The following FLNC variants were observed in gnomAD, a reference collection of about 807,000 sequenced individuals.
FLNC encodes filamin-C.
A neutral mutation model predicts 254.3 loss-of-function variants in FLNC; 91 were observed. The observed-to-expected ratio is 0.36, with a 90% CI of 0.30 to 0.43. The LOEUF (loss-of-function observed/expected upper bound fraction) is 0.43. Ranked by LOEUF, FLNC falls within the 20% of genes least tolerant of loss-of-function variation. The probability of loss-of-function intolerance (pLI) is 1.00; values close to 1 mark genes in which losing one functional copy is unlikely to be tolerated. For missense variants in FLNC, 2,853 were observed against 3,802.6 expected (o/e 0.75, Z 6.57); for synonymous variants, 1,430 against 1,577.2 (o/e 0.91, Z 2.21).
chr7:128,837,525 A>G lies in FLNC; in HGVS notation c.827A>G (p.Lys276Arg). 6.2e-7 allele frequency: 1 copy of G among 1,614,170 alleles called. No homozygotes were observed. The highest frequency in any genetic ancestry group is 8.5e-7 in the Non-Finnish European group (1 of 1,180,024). Residue 276 changes from lysine (K) to arginine (R), a missense_variant, in exon 4 of 48, where the codon AAG becomes AGG. Lys to Arg is a conservative substitution (Grantham distance 26). Coordinates refer to ENST00000325888, the MANE Select transcript of FLNC (RefSeq NM_001458.5). ...GTTCGATCCAAGCAGCTGAACCCCA[A>G]GAAAGCCATCGCCTATGGGCCTGGT... Reference protein sequence around the residue: ...APVRSKQLNPKKAIAYGPGIE... With the variant: ...APVRSKQLNPRKAIAYGPGIE...
Position 128,835,123 on chromosome 7 carries a change from AGAAGCAGCCTTCTGACCGGAAGG to A in FLNC, c.353-201_353-179del, listed in dbSNP as rs970517485. ...ACCTTCCAGAACCACAGGAACACAGAGAAGCAGCCTTCTGACCGGAAGGGCCCCATAAAGAACTTGGCATCTGA... is the reference window on the plus strand; with the variant it reads ...ACCTTCCAGAACCACAGGAACACAGAGCCCCATAAAGAACTTGGCATCTGA... On this transcript the variant is annotated intron_variant, in intron 1 of 47. Coordinates refer to ENST00000325888, the MANE Select transcript of FLNC (RefSeq NM_001458.5). This position sits in a 1 kb window ranked among gnomAD's most constrained non-coding sequence, Gnocchi z 5.3. Among the ~76,000 whole-genome samples the A allele has an allele frequency of 1.3e-4, 20 of 152,334 alleles. No individual in the cohort carries two copies. The highest frequency in any genetic ancestry group is 4.6e-4 in the African/African-American group (19 of 41,564).
chr7:128,847,870 G>A lies in FLNC; in HGVS notation c.4456+6G>A. 1 of 1,613,864 alleles carries A rather than the reference G, an allele frequency of 6.2e-7. No individual in the cohort carries two copies. Among genetic ancestry groups the A allele is most frequent in the Non-Finnish European group, 8.5e-7 (1 of 1,179,982 alleles). On this transcript the variant is annotated splice_donor_region_variant and intron_variant, in intron 25 of 47. Coordinates refer to ENST00000325888, the MANE Select transcript of FLNC (RefSeq NM_001458.5). ...GGCTGTGCTGGGCCCCACAGGTATA[G>A]AATGGCCGGGGCAGGGAGGAGGGAG...
chr7:128,850,171 G>A, intron 31 of FLNC, 97 bp downstream of exon 31: 1 of 1,107,628 alleles, frequency 9.0e-7, no homozygotes, highest in Non-Finnish European at 1.3e-6. Context: ...CATGGTCTGG[G>A]GGCCTCTTGG....
rs369714355 is a variant in FLNC, at chr7:128,843,418, C to T, written c.2652C>T (p.Val884=). The T allele has an allele frequency of 1.7e-5, 27 of 1,613,952 alleles. 1 individual carries two copies. In the Middle Eastern group the frequency reaches 6.6e-4, roughly 39 times the overall value. The change falls in exon 18 of 48, where the codon GTC becomes GTT. Residue 884 remains valine (V), a synonymous_variant. Transcript: ENST00000325888. ...GPGLNRTGVE[V]GKPTHFTVLT... ...TGGGTGGGTCCTCAGGTGTGGAAGT[C>T]GGGAAGCCCACCCACTTCACGGTGC... is the stretch of plus-strand genomic sequence containing the variant.
rs371719048 is a variant in FLNC, at chr7:128,842,571, G to T, written c.2266-4G>T. 3.2e-6 allele frequency: 5 copies of T among 1,549,098 alleles called. No homozygotes were observed. Among genetic ancestry groups the T allele is most frequent in the African/African-American group, 2.7e-5 (2 of 73,132 alleles). On this transcript the variant is annotated splice_region_variant and splice_polypyrimidine_tract_variant and intron_variant, in intron 14 of 47. Transcript: ENST00000325888. This position sits in a 1 kb window ranked among gnomAD's most constrained non-coding sequence, Gnocchi z 5.4. ...ACCACGCTGAGCTGCGACCCCTCCC[G>T]CAGGTGAACGTGGGCGAGGGCAGCC...
Position 128,835,435 on chromosome 7 carries a change from G to C in FLNC, c.462G>C (p.Glu154Asp). Residue 154 changes from glutamate (E) to aspartate (D), a missense_variant, in exon 2 of 48, where the codon GAG becomes GAC. Transcript: ENST00000325888. This position sits in a 1 kb window ranked among gnomAD's most constrained non-coding sequence, Gnocchi z 5.3. ...CCATGTGGGAGGATGAAGATGATGAGGATGCCCGCAAACAGACGCCCAAGC... is the reference window on the plus strand; with the variant it reads ...CCATGTGGGAGGATGAAGATGATGACGATGCCCGCAAACAGACGCCCAAGC... ...SMPMWEDEDD[E>D]DARKQTPKQR... is the part of the protein sequence containing the mutation. The C allele has an allele frequency of 1.9e-6, 3 of 1,614,106 alleles. No homozygotes were observed. Among genetic ancestry groups the C allele is most frequent in the Non-Finnish European group, 2.5e-6 (3 of 1,180,042 alleles).
rs1223548212 is a variant in FLNC, at chr7:128,841,931, G to T, written c.2122-300G>T. On this transcript the variant is annotated intron_variant, in intron 13 of 47. Coordinates refer to ENST00000325888, the MANE Select transcript of FLNC (RefSeq NM_001458.5). This position sits in a 1 kb window ranked among gnomAD's most constrained non-coding sequence, Gnocchi z 4.3. ...TAAGAGGGTGATTCTTCTTTGAAAG[G>T]CTCATGATTCAGTTTTAGGAACATA... 6.6e-6 allele frequency among the ~76,000 whole-genome samples: 1 copy of T among 152,154 alleles called. No individual in the cohort carries two copies. Among genetic ancestry groups the T allele is most frequent in the Non-Finnish European group, 1.5e-5 (1 of 68,030 alleles).
intron 29 of FLNC, 40 bp from the exon 30 acceptor site, chr7:128,849,291 C>A (rs1808705650): frequency 6.2e-7 from 1 of 1,614,124 alleles, no homozygotes; most frequent in Non-Finnish European, 8.5e-7. Flanking sequence ...GGGCTGGCTC[C>A]AGCCCACCAG....
At chr7:128,839,509 C>T (rs992946573) in intron 8 of FLNC, among the ~76,000 whole-genome samples, 11 of 152,352 alleles carry the variant, frequency 7.2e-5, no homozygotes, top group Admixed American at 5.2e-4. Flanking sequence ...GATTCCCATT[C>T]CTTTGCCTGT....
intron 29 of FLNC, 30 bp downstream of exon 29, chr7:128,849,234 GT>G (rs769007790): frequency 5.6e-6 from 9 of 1,614,020 alleles, no homozygotes; most frequent in Non-Finnish European, 7.6e-6. Flanking sequence ...TCTTCTTGGT[GT>G]GGGCCAGGGT....
rs768725407 is a variant in FLNC, at chr7:128,846,746, G to A, written c.4129G>A (p.Gly1377Arg). ...KANRFTVETR[G>R]AGTGGLGLAI... ...TGATGGGGGGATGTTATCTCTCAGGGGAGCGGGCACCGGGGGCCTTGGCCT... is the reference window on the plus strand; with the variant it reads ...TGATGGGGGGATGTTATCTCTCAGGAGAGCGGGCACCGGGGGCCTTGGCCT... The change falls in exon 24 of 48, where the codon GGA (glycine) becomes AGA (arginine). Residue 1377 changes from glycine (G) to arginine (R), a missense_variant and splice_region_variant. Physicochemically the swap from Gly to Arg is moderately radical, Grantham distance 125. Around this residue, in one of 10 missense-constraint regions of FLNC, gnomAD observed 1,573 missense variants for 1,883.5 expected, o/e 0.84. Transcript: ENST00000325888. The A allele has an allele frequency of 3.7e-6, 6 of 1,613,792 alleles. No homozygotes were observed. Among genetic ancestry groups the A allele is most frequent in the Non-Finnish European group, 5.1e-6 (6 of 1,179,904 alleles).
Position 128,844,759 on chromosome 7 carries a change from C to A in FLNC, c.3294C>A (p.Thr1098=). The change falls in exon 21 of 48, where the codon ACC becomes ACA. Residue 1098 remains threonine (T), a synonymous_variant. Transcript: ENST00000325888. ...CTGGCACAGGTGGCCTGGGGCTGAC[C>A]GTAGAGGGCCCCTGCGAGGCCAAGA... ...KGAGTGGLGL[T]VEGPCEAKIE... The A allele has an allele frequency of 8.1e-6, 13 of 1,614,004 alleles. No individual in the cohort carries two copies. Among genetic ancestry groups the A allele is most frequent in the African/African-American group, 1.3e-5 (1 of 75,068 alleles).
intron 35 of FLNC, among the ~76,000 whole-genome samples, chr7:128,852,210 A>G (rs1321502279): frequency 6.6e-6 from 1 of 152,172 alleles, no homozygotes; most frequent in Non-Finnish European, 1.5e-5. Flanking sequence ...CTTTTGATAG[A>G]TAAGGAACCC....
Position 128,847,862 on chromosome 7 carries a change from C to G in FLNC, c.4454C>G (p.Thr1485Arg). Reference sequence around the variant, plus strand: ...CTGCAGGTGGCTGTGCTGGGCCCCACAGGTATAGAATGGCCGGGGCAGGGA... The same window carrying G: ...CTGCAGGTGGCTGTGCTGGGCCCCAGAGGTATAGAATGGCCGGGGCAGGGA... ...APLQVAVLGP[T>R]GVAEPVEVRD... Residue 1485 changes from threonine (T) to arginine (R), a missense_variant and splice_region_variant, in exon 25 of 48, where the codon ACA becomes AGA. Physicochemically the swap from Thr to Arg is moderately conservative, Grantham distance 71. Coordinates refer to ENST00000325888, the MANE Select transcript of FLNC (RefSeq NM_001458.5). The G allele has an allele frequency of 1.2e-6, 2 of 1,613,832 alleles. No individual in the cohort carries two copies. Among genetic ancestry groups the G allele is most frequent in the Non-Finnish European group, 1.7e-6 (2 of 1,179,984 alleles).
intron 24 of FLNC, 29 bp downstream of exon 24, chr7:128,846,934 G>A (rs754586001): frequency 1.9e-6 from 3 of 1,613,422 alleles, no homozygotes; most frequent in Non-Finnish European, 2.5e-6. Flanking sequence ...CGGGGTCTCA[G>A]GGAAGACAAG....
rs746831699 is a variant in FLNC at position 128,846,951 on chromosome 7, T to C, written c.4288+46T>C. 5.0e-6 allele frequency: 8 copies of C among 1,606,630 alleles called. No individual in the cohort carries two copies. In the African/African-American group the frequency reaches 1.1e-4, roughly 22 times the overall value. The stretch of plus-strand genomic sequence containing the variant: ...GGGTCTCAGGGAAGACAAGGGAGGG[T>C]GCAGGATGCTCGCCCCACAAGGGGG... On this transcript the variant is annotated intron_variant, in intron 24 of 47. Coordinates refer to ENST00000325888, the MANE Select transcript of FLNC (RefSeq NM_001458.5).
rs1396977280 is a variant in FLNC, at chr7:128,842,159, G to A, written c.2122-72G>A. 30 of 1,522,456 alleles carry A rather than the reference G, an allele frequency of 2.0e-5. No individual in the cohort carries two copies. The highest frequency in any genetic ancestry group is 2.4e-5 in the Non-Finnish European group (27 of 1,112,462). 94.3% of individuals were successfully genotyped at this position (1,522,456 alleles called of 1,614,324 possible). ...TTGGGGGTGGGAAAGGAGGCGCTGG[G>A]TTCACCTGCGGCCAGCAGAGGGCGC... On this transcript the variant is annotated intron_variant, in intron 13 of 47. Coordinates refer to ENST00000325888, the MANE Select transcript of FLNC (RefSeq NM_001458.5). The surrounding 1 kb of genome is among the most constrained non-coding windows in gnomAD (Gnocchi z 5.4).
At position 128,842,816 on chromosome 7, in the gene FLNC, G is replaced by A; in HGVS notation, c.2412G>A (p.Lys804=). 2 of 1,613,864 alleles carry A rather than the reference G, an allele frequency of 1.2e-6. No individual in the cohort carries two copies. The highest frequency in any genetic ancestry group is 2.2e-5 in the South Asian group (2 of 91,088). The change falls in exon 16 of 48, where the codon AAG becomes AAA. Residue 804 remains lysine (K), a synonymous_variant. Coordinates refer to ENST00000325888, the MANE Select transcript of FLNC (RefSeq NM_001458.5). This position sits in a 1 kb window ranked among gnomAD's most constrained non-coding sequence, Gnocchi z 5.4. The part of the protein sequence containing the change: ...AGQGDVSIGI[K]CAPGVVGPAE... ...CAGGCGACGTGAGCATCGGCATCAA[G>A]TGCGCCCCAGGCGTGGTGGGCCCTG...
At chr7:128,834,841 T>C (rs532996968) in intron 1 of FLNC, among the ~76,000 whole-genome samples, 53 of 143,598 alleles carry the variant, frequency 3.7e-4, no homozygotes, top group African/African-American at 1.2e-3. Context: ...GCAAGGAAAC[T>C]TTGGGGAGTG....
Sources: allele counts gnomAD v4.1 joint callset (sites outside exome capture counted in the v4.1 genomes callset), GRCh38; gene constraint gnomAD v4.1.1; regional missense constraint gnomAD v4.1.1; non-coding constraint Gnocchi (gnomAD v3.1); transcripts MANE v1.5; gene names NCBI Gene and HGNC (gene_info 2026-07-23, HGNC 2026-07-21).